The following ATP11C variants were observed in gnomAD, a reference collection of about 807,000 sequenced individuals.
ATP11C encodes phospholipid-transporting ATPase IG.
A neutral mutation model predicts 97.4 loss-of-function variants in ATP11C; 36 were observed. That is an observed-to-expected ratio of 0.37 (90% confidence interval 0.28 to 0.49). The LOEUF is 0.49. Ranked by LOEUF, ATP11C falls within the 20% of genes least tolerant of loss-of-function variation. ATP11C has a pLI of 0.98. For synonymous variants in ATP11C, 275 were observed against 290.9 expected, an observed-to-expected ratio of 0.95 and a Z score of 0.56; for missense variants, 730 against 824.6, an observed-to-expected ratio of 0.89 and a Z score of 1.40.
At chrX:139,738,791 G>C (rs149965676) in intron 27 of ATP11C, among the ~76,000 whole-genome samples, 1 of 110,574 alleles carries the variant, frequency 9.0e-6, no homozygotes, top group East Asian at 2.9e-4. Context: ...GAACCACAGA[G>C]AGCCTCAGTA....
rs1447556449 is a variant in ATP11C, at chrX:139,731,641, C to T, written c.*3+10G>A. ...TTTTAAAGCCAGCCCATTTGTTTAA[C>T]ACTAGGTACCTGTTACAATACATTA... On this transcript the variant is annotated intron_variant, in intron 29 of 29. Transcript: ENST00000682941. 9.0e-7 allele frequency: 1 copy of T among 1,110,829 alleles called. No individual in the cohort carries two copies. 91.5% of individuals were successfully genotyped at this position (1,110,829 alleles called of 1,213,427 possible). A position where few individuals can be genotyped will look rare whatever the true frequency, so the allele number is the denominator to read the frequency against.
intron 1 of ATP11C, among the ~76,000 whole-genome samples, chrX:139,898,608 G>A (rs1266323899): frequency 5.4e-5 from 6 of 111,080 alleles, no homozygotes; most frequent in South Asian, 3.8e-4. Context: ...ACACAAATAC[G>A]TTAGGTTCCA....
intron 1 of ATP11C, among the ~76,000 whole-genome samples, chrX:139,852,460 G>T (rs2084009653): frequency 1.1e-4 from 1 of 9,010 alleles, no homozygotes; most frequent in South Asian, 9.7e-3. Context: ...TGCGGGGGGG[G>T]GGGGGGGGGG....
rs1319095541 is a variant in ATP11C, at chrX:139,757,829, G to A, written c.2679C>T (p.Phe893=). 2.5e-6 allele frequency: 3 copies of A among 1,183,279 alleles called. No individual in the cohort carries two copies. Among genetic ancestry groups the A allele is most frequent in the African/African-American group, 3.6e-5 (2 of 55,706 alleles). Residue 893 remains phenylalanine (F), a synonymous_variant, in exon 23 of 30, where the codon TTC becomes TTT. Coordinates refer to ENST00000682941, the MANE Select transcript of ATP11C (RefSeq NM_001353812.2). The stretch of plus-strand genomic sequence containing the variant: ...AAACCTGTTGTGAGAATCCACAGAA[G>A]AACTGGTACAAAAACTGTGGCAAAA... ...CFILPQFLYQ[F]FCGFSQQPLY... is the part of the protein sequence containing the mutation.
intron 1 of ATP11C, among the ~76,000 whole-genome samples, chrX:139,860,104 C>CAAAA (rs1245214221): frequency 2.5e-4 from 5 of 20,334 alleles, no homozygotes; most frequent in Non-Finnish European, 3.6e-4. Context: ...GACTCCGTCT[C>CAAAA]AAAAAAAAAA....
chrX:139,905,398 T>C (rs1411144301), intron 1 of ATP11C, among the ~76,000 whole-genome samples: 3 of 112,245 alleles, frequency 2.7e-5, no homozygotes, highest in African/African-American at 6.5e-5. Context: ...TCTCATGCCA[T>C]AGTCTCTGAA....
chrX:139,810,406 G>C (rs939591956), intron 5 of ATP11C, among the ~76,000 whole-genome samples: 1 of 112,060 alleles, frequency 8.9e-6, no homozygotes, highest in Non-Finnish European at 1.9e-5. Flanking sequence ...AGTGAGCCAA[G>C]ATTGTGGCAT....
intron 1 of ATP11C, among the ~76,000 whole-genome samples, chrX:139,878,230 C>A (rs1470991158): frequency 9.0e-6 from 1 of 111,178 alleles, no homozygotes; most frequent in Non-Finnish European, 1.9e-5. Flanking sequence ...AATGCACAGA[C>A]AAAGCTTAGC....
chrX:139,817,466 GA>G (rs1449580780), intron 3 of ATP11C, among the ~76,000 whole-genome samples: 1 of 112,829 alleles, frequency 8.9e-6, no homozygotes, highest in Non-Finnish European at 1.9e-5. Context: ...AGTGTGGTGT[GA>G]GATGGGGCTG....
At chrX:139,835,426 C>T (rs1196217372) in intron 1 of ATP11C, among the ~76,000 whole-genome samples, 2 of 110,317 alleles carry the variant, frequency 1.8e-5, no homozygotes, top group African/African-American at 6.6e-5. Flanking sequence ...TTCTTTGACA[C>T]GGAGTTTCGC....
At chrX:139,838,219 T>C (rs2083775831) in intron 1 of ATP11C, among the ~76,000 whole-genome samples, 1 of 111,878 alleles carries the variant, frequency 8.9e-6, no homozygotes, top group Non-Finnish European at 1.9e-5. Context: ...CAGAAAGCAA[T>C]GTACCAGAAT....
At chrX:139,911,512 T>C (rs188806857) in intron 1 of ATP11C, among the ~76,000 whole-genome samples, 267 of 111,948 alleles carry the variant, frequency 2.4e-3, no homozygotes, top group Middle Eastern at 4.7e-3. Context: ...AACTCATATA[T>C]TGCTAGTGAG....
intron 18 of ATP11C, among the ~76,000 whole-genome samples, chrX:139,777,567 A>T (rs972232379): frequency 1.6e-4 from 18 of 111,476 alleles, no homozygotes; most frequent in African/African-American, 5.9e-4. Flanking sequence ...TCTGAGAGAA[A>T]AGAAGAAAAA....
chrX:139,821,072 T>C (rs2083399599), intron 2 of ATP11C, among the ~76,000 whole-genome samples: 1 of 111,298 alleles, frequency 9.0e-6, no homozygotes, highest in Non-Finnish European at 1.9e-5. Flanking sequence ...TATGGGAATT[T>C]ACTAACCTTT....
At chrX:139,863,891 G>A (rs981758109) in intron 1 of ATP11C, among the ~76,000 whole-genome samples, 3 of 110,179 alleles carry the variant, frequency 2.7e-5, no homozygotes, top group African/African-American at 9.9e-5. Flanking sequence ...TCAAAACCTC[G>A]TCACTATAAA....
chrX:139,733,259 A>AT (rs1278648261), intron 28 of ATP11C, among the ~76,000 whole-genome samples: 1 of 111,584 alleles, frequency 9.0e-6, no homozygotes, highest in Non-Finnish European at 1.9e-5. Flanking sequence ...ACCTAAGGTT[A>AT]TTTTTTTCCT....
intron 2 of ATP11C, among the ~76,000 whole-genome samples, chrX:139,822,399 T>TTTTG (rs199924938): frequency 3.2e-4 from 34 of 104,677 alleles, no homozygotes; most frequent in Non-Finnish European, 5.0e-4. Flanking sequence ...TTTGGGTTTT[T>TTTTG]TTTGTTTGTT....
chrX:139,881,883 T>C (rs1322269581), intron 1 of ATP11C, among the ~76,000 whole-genome samples: 1 of 112,300 alleles, frequency 8.9e-6, no homozygotes, highest in Non-Finnish European at 1.9e-5. Context: ...CATTTTCAAC[T>C]GCCAGGAAGA....
intron 1 of ATP11C, among the ~76,000 whole-genome samples, chrX:139,926,299 GA>G (rs2085350704): frequency 2.7e-5 from 3 of 110,760 alleles, no homozygotes; most frequent in Non-Finnish European, 5.7e-5. Context: ...CCACCTTGAA[GA>G]AAAAAATAGT....
Sources: allele counts gnomAD v4.1 joint callset (sites outside exome capture counted in the v4.1 genomes callset), GRCh38; gene constraint gnomAD v4.1.1; transcripts MANE v1.5; gene names NCBI Gene and HGNC (gene_info 2026-07-23, HGNC 2026-07-21).